DAGLB: variants seen among roughly 807,000 people sequenced by gnomAD.
The protein encoded by DAGLB is diacylglycerol lipase-beta.
In DAGLB, 66 loss-of-function variants were observed where a neutral mutation model predicts 72.1. The observed-to-expected ratio is 0.92, with a 90% CI of 0.75 to 1.12. DAGLB has a LOEUF of 1.12. Among genes scored for constraint, DAGLB ranks in the 50% most tolerant of loss-of-function variants. The probability of loss-of-function intolerance (pLI) is 0.00; values close to 1 mark genes in which losing one functional copy is unlikely to be tolerated. For missense variants in DAGLB, 1,065 were observed against 884.9 expected, an observed-to-expected ratio of 1.20 and a Z score of -2.58; for synonymous variants, 414 against 359.5, an observed-to-expected ratio of 1.15 and a Z score of -1.71.
intron 9 of DAGLB, among the ~76,000 whole-genome samples, chr7:6,420,165 G>T (rs1784064425): frequency 6.6e-6 from 1 of 151,996 alleles, no homozygotes; most frequent in East Asian, 1.9e-4. Context: ...AAACAGTCCA[G>T]GTGCGGTGGC....
rs184984681 is a variant in DAGLB, at chr7:6,442,850, C to T, written c.247+3103G>A. 8.6e-5 allele frequency among the ~76,000 whole-genome samples: 13 copies of T among 151,952 alleles called. No homozygotes were observed. The East Asian group carries it at 1.4e-3, about 16-fold the overall frequency. On this transcript the variant is annotated intron_variant, in intron 2 of 14. Transcript: ENST00000297056. ...GGTGGATCAGCTAAGGTCAGGAGTT[C>T]GAGACCAGCCTGGCCAACATGGTTC...
chr7:6,418,440 TAA>T (rs1783989693), intron 9 of DAGLB, among the ~76,000 whole-genome samples: 1 of 152,020 alleles, frequency 6.6e-6, no homozygotes, highest in Non-Finnish European at 1.5e-5. Flanking sequence ...AGTTAAGCCC[TAA>T]AAAAATTTTT....
At chr7:6,436,604 T>G in intron 2 of DAGLB, 71 bp from the exon 3 acceptor site, 1 of 1,596,108 alleles carries the variant, frequency 6.3e-7, no homozygotes, top group Non-Finnish European at 8.6e-7. Context: ...TTTGCAAAAA[T>G]ACAGCTTTTG....
At chr7:6,429,572 G>A (rs1030924897) in intron 6 of DAGLB, among the ~76,000 whole-genome samples, 2 of 151,882 alleles carry the variant, frequency 1.3e-5, no homozygotes, top group Admixed American at 6.6e-5. Flanking sequence ...GACCAGCCCG[G>A]TCAACATGGG....
At position 6,436,525 on chromosome 7, in the gene DAGLB, A is replaced by C; in HGVS notation, c.256T>G (p.Cys86Gly). Residue 86 changes from cysteine (C) to glycine (G), a missense_variant, in exon 3 of 15, where the codon TGT (cysteine) becomes GGT (glycine). By Grantham distance (159) the Cys-to-Gly change is radical (BLOSUM62 -3). Coordinates refer to ENST00000297056, the MANE Select transcript of DAGLB (RefSeq NM_139179.4). ...ATAGACTTCCGCGGTCCAGGGTTACAAATCGTTCCTGAAATACAAAAAACG... is the reference window on the plus strand; with the variant it reads ...ATAGACTTCCGCGGTCCAGGGTTACCAATCGTTCCTGAAATACAAAAAACG... ...IMCVSMRGTI[C>G]NPGPRKSMSK... is the part of the protein sequence containing the mutation. 6.2e-7 allele frequency: 1 copy of C among 1,613,906 alleles called. No homozygotes were observed. The highest frequency in any genetic ancestry group is 8.5e-7 in the Non-Finnish European group (1 of 1,179,972).
rs544299227 is a variant in DAGLB at position 6,424,334 on chromosome 7, G to C, written c.1140+418C>G. Among the ~76,000 whole-genome samples the C allele has an allele frequency of 7.2e-5, 11 of 152,260 alleles. No individual in the cohort carries two copies. In the South Asian group the frequency reaches 2.3e-3, roughly 32 times the overall value. ...ACGAGGGCCTGTGAGGATCCAAACC[G>C]GGAGCCTCCAGCGGGGCTGGTGGCC... On this transcript the variant is annotated intron_variant, in intron 8 of 14. Transcript: ENST00000297056.
chr7:6,443,880 C>G (rs1784914052), intron 2 of DAGLB, among the ~76,000 whole-genome samples: 1 of 152,128 alleles, frequency 6.6e-6, no homozygotes. Flanking sequence ...TCCTATGAAG[C>G]AGAGGAATCC....
Position 6,412,794 on chromosome 7 carries a change from A to G in DAGLB, c.1569+17T>C. On this transcript the variant is annotated intron_variant, in intron 13 of 14. Transcript: ENST00000297056. The stretch of plus-strand genomic sequence containing the variant: ...GCCCCGTGTCCTGCTGACCCTCTCA[A>G]CAAGGCACCCGCTTACCTTGGGTTT... 1.3e-6 allele frequency: 2 copies of G among 1,571,630 alleles called. No individual in the cohort carries two copies. The highest frequency in any genetic ancestry group is 1.7e-6 in the Non-Finnish European group (2 of 1,155,900).
At chr7:6,411,766 A>G (rs903007027) in intron 13 of DAGLB, among the ~76,000 whole-genome samples, 1 of 152,156 alleles carries the variant, frequency 6.6e-6, no homozygotes, top group Non-Finnish European at 1.5e-5. Flanking sequence ...CACTAAACAA[A>G]ACCACCCTTG....
rs941438586 is a variant in DAGLB, at chr7:6,443,217, A to T, written c.247+2736T>A. Reference sequence around the variant, plus strand: ...AAAAAAAACAAAAAACAAAAAAAACAAAACAAAACAAACAAAAAACTTTGT... The same window carrying T: ...AAAAAAAACAAAAAACAAAAAAAACTAAACAAAACAAACAAAAAACTTTGT... On this transcript the variant is annotated intron_variant, in intron 2 of 14. Coordinates refer to ENST00000297056, the MANE Select transcript of DAGLB (RefSeq NM_139179.4). Among the ~76,000 whole-genome samples, 8 of 147,890 alleles carry T rather than the reference A, an allele frequency of 5.4e-5. No homozygotes were observed. The South Asian group carries it at 1.7e-3, about 32-fold the overall frequency.
intron 8 of DAGLB, 126 bp from the exon 9 acceptor site, chr7:6,421,930 T>A: frequency 1.9e-6 from 2 of 1,058,938 alleles, no homozygotes; most frequent in Non-Finnish European, 2.8e-6. Context: ...CCTAGTTCGG[T>A]CCTGGGACTG....
chr7:6,419,081 C>CTTT (rs1199596102), intron 9 of DAGLB, among the ~76,000 whole-genome samples: 12 of 128,176 alleles, frequency 9.4e-5, no homozygotes, highest in Admixed American at 1.6e-4. Flanking sequence ...ATGGCACTTC[C>CTTT]TTTTTTTTTT....
intron 2 of DAGLB, among the ~76,000 whole-genome samples, chr7:6,437,372 T>A (rs887251021): frequency 2.0e-5 from 3 of 152,070 alleles, no homozygotes; most frequent in African/African-American, 7.2e-5. Context: ...CCACAATGAC[T>A]GGGTTAGTCA....
chr7:6,419,313 C>G (rs1784031459), intron 9 of DAGLB, among the ~76,000 whole-genome samples: 2 of 152,138 alleles, frequency 1.3e-5, no homozygotes, highest in Non-Finnish European at 2.9e-5. Context: ...CACTTCTTAA[C>G]AAATTACCAG....
intron 2 of DAGLB, 132 bp from the exon 3 acceptor site, chr7:6,436,665 A>G (rs1784668732): frequency 1.8e-6 from 2 of 1,097,616 alleles, no homozygotes; most frequent in Non-Finnish European, 2.6e-6. Flanking sequence ...TTTTCTACTT[A>G]TAATTGGTAA....
At position 6,432,965 on chromosome 7, in the gene DAGLB, T is replaced by G; in HGVS notation, c.679-6A>C. ...CTGGGCACCAGATCTGTGTCCTGGG[T>G]GGGAAACCACAATGGCCTGTCATAA... On this transcript the variant is annotated splice_polypyrimidine_tract_variant and splice_region_variant and intron_variant, in intron 4 of 14. Transcript: ENST00000297056. 4 of 1,612,438 alleles carry G rather than the reference T, an allele frequency of 2.5e-6. No individual in the cohort carries two copies. The highest frequency in any genetic ancestry group is 3.4e-6 in the Non-Finnish European group (4 of 1,179,416).
intron 13 of DAGLB, chr7:6,412,472 T>C (rs1410237106): frequency 4.3e-6 from 1 of 232,396 alleles, no homozygotes; most frequent in East Asian, 8.4e-5. Context: ...TTCTTTTTTT[T>C]TTTTTAGAAT....
At chr7:6,436,634 G>A (rs1167585819) in intron 2 of DAGLB, 101 bp from the exon 3 acceptor site, 7 of 1,421,956 alleles carry the variant, frequency 4.9e-6, no homozygotes, top group African/African-American at 1.4e-5. Flanking sequence ...CATTTGTACT[G>A]TGCACACCCG....
chr7:6,412,689 G>T, intron 13 of DAGLB, 122 bp downstream of exon 13: 1 of 1,112,790 alleles, frequency 9.0e-7, no homozygotes, highest in Non-Finnish European at 1.3e-6. Context: ...ATGGTGGAAG[G>T]AGAACTTCCA....
Sources: allele counts gnomAD v4.1 joint callset (sites outside exome capture counted in the v4.1 genomes callset), GRCh38; gene constraint gnomAD v4.1.1; transcripts MANE v1.5; gene names NCBI Gene and HGNC (gene_info 2026-07-23, HGNC 2026-07-21).